The following KIAA0586 variants were observed in gnomAD, a reference collection of about 807,000 sequenced individuals.
KIAA0586 encodes KIAA0586.
Under a neutral mutation model 169.8 loss-of-function variants are expected in KIAA0586, and 144 were observed. The observed-to-expected ratio is 0.85, with a 90% CI of 0.74 to 0.97. KIAA0586 has a LOEUF of 0.97. KIAA0586 is among the 50% of genes least tolerant of loss of function. The pLI is 0.00. For synonymous variants in KIAA0586, 625 were observed against 612.4 expected (o/e 1.02, Z -0.30); for missense variants, 1,854 against 1,823.0 (o/e 1.02, Z -0.31).
intron 16 of KIAA0586, 72 bp from the exon 17 acceptor site, chr14:58,470,541 A>G (rs1281900758): frequency 4.7e-6 from 4 of 855,086 alleles, no homozygotes; most frequent in Admixed American, 4.1e-5. Flanking sequence ...ATATACATGT[A>G]TATACACATA....
rs1264288918 is a variant in KIAA0586, at chr14:58,457,743, C to G, written c.1363-16C>G. 5 of 1,537,110 alleles carry G rather than the reference C, an allele frequency of 3.3e-6. No individual in the cohort carries two copies. The African/African-American group carries it at 5.5e-5, about 17-fold the overall frequency. ...GTTGTGAGTTTAGTAACTTTCTGGT[C>G]TTTTTTTCTTTTAAGCCAAAAGAAT... is the stretch of plus-strand genomic sequence containing the variant. On this transcript the variant is annotated splice_polypyrimidine_tract_variant and intron_variant, in intron 10 of 30. Transcript: ENST00000652326.
At chr14:58,476,825 A>C (rs2041669696) in intron 19 of KIAA0586, among the ~76,000 whole-genome samples, 1 of 151,660 alleles carries the variant, frequency 6.6e-6, no homozygotes, top group South Asian at 2.1e-4. Flanking sequence ...GTACCACCTA[A>C]TTTTTGTATT....
At chr14:58,532,708 A>G (rs1026873359) in intron 29 of KIAA0586, among the ~76,000 whole-genome samples, 2 of 152,228 alleles carry the variant, frequency 1.3e-5, no homozygotes, top group Admixed American at 6.5e-5. Context: ...TGACCTAAAA[A>G]TGGTGATTCC....
At chr14:58,512,698 C>A in intron 29 of KIAA0586, 71 bp downstream of exon 29, 1 of 897,838 alleles carries the variant, frequency 1.1e-6, no homozygotes, top group Admixed American at 3.6e-5. Flanking sequence ...TATGAGAATT[C>A]TTTACTTTTT....
intron 23 of KIAA0586, 67 bp downstream of exon 23, chr14:58,488,176 A>G: frequency 9.2e-6 from 11 of 1,196,800 alleles, no homozygotes; most frequent in Non-Finnish European, 1.3e-5. Flanking sequence ...TGATCCATTG[A>G]AAACATAGAA....
At chr14:58,521,554 C>T in intron 29 of KIAA0586, 1 of 856,592 alleles carries the variant, frequency 1.2e-6, no homozygotes, top group Non-Finnish European at 2.0e-6. Context: ...CTCGAAATGT[C>T]AGCATGTATC....
Position 58,467,759 on chromosome 14 carries a change from C to A in KIAA0586, c.2279C>A (p.Thr760Asn), listed in dbSNP as rs745459956. 5.6e-6 allele frequency: 9 copies of A among 1,611,466 alleles called. No individual in the cohort carries two copies. The South Asian group carries it at 9.9e-5, about 18-fold the overall frequency. The change falls in exon 16 of 31, where the codon ACC becomes AAC. Residue 760 changes from threonine (T) to asparagine (N), a missense_variant. Transcript: ENST00000652326. ...LLGQTQSNSD[T>N]MPPAGVIVSK... Reference sequence around the variant, plus strand: ...GGACAAACCCAAAGTAATAGTGATACCATGCCACCTGCTGGAGTGATTGTC... The same window carrying A: ...GGACAAACCCAAAGTAATAGTGATAACATGCCACCTGCTGGAGTGATTGTC...
intron 30 of KIAA0586, among the ~76,000 whole-genome samples, chr14:58,540,545 T>C (rs1324860290): frequency 6.6e-6 from 1 of 152,216 alleles, no homozygotes; most frequent in Non-Finnish European, 1.5e-5. Flanking sequence ...ACATTAACGA[T>C]TGCTTTTTAG....
intron 4 of KIAA0586, among the ~76,000 whole-genome samples, chr14:58,437,292 C>A (rs936933063): frequency 9.9e-5 from 15 of 152,114 alleles, no homozygotes; most frequent in Non-Finnish European, 4.4e-5. Flanking sequence ...TTCACAAATA[C>A]ATGGTGAGTA....
At chr14:58,530,551 A>G (rs1354870223) in intron 29 of KIAA0586, among the ~76,000 whole-genome samples, 1 of 152,242 alleles carries the variant, frequency 6.6e-6, no homozygotes, top group Admixed American at 6.5e-5. Flanking sequence ...ATCTACAGCC[A>G]TCTGATCTTT....
rs1427340667 is a variant in KIAA0586 at position 58,547,975 on chromosome 14, A to G, written c.*43A>G. 6.2e-7 allele frequency: 1 copy of G among 1,601,534 alleles called. No individual in the cohort carries two copies. The highest frequency in any genetic ancestry group is 1.3e-5 in the African/African-American group (1 of 74,582). On this transcript the variant is annotated 3_prime_UTR_variant, in exon 31 of 31. Coordinates refer to ENST00000652326, the MANE Select transcript of KIAA0586 (RefSeq NM_001329943.3). Reference sequence around the variant, plus strand: ...GCACAGTGTTTATGCCACTGGTTTTAAAGTCATTTTACCTTGGCTTAAAAC... The same window carrying G: ...GCACAGTGTTTATGCCACTGGTTTTGAAGTCATTTTACCTTGGCTTAAAAC...
intron 20 of KIAA0586, among the ~76,000 whole-genome samples, chr14:58,479,719 T>G (rs1245542949): frequency 2.6e-5 from 4 of 152,202 alleles, no homozygotes; most frequent in African/African-American, 7.2e-5. Flanking sequence ...AGGATCAAGT[T>G]CTTTTTTGTT....
chr14:58,437,648 A>C (rs1412384065), intron 4 of KIAA0586, among the ~76,000 whole-genome samples: 1 of 140,532 alleles, frequency 7.1e-6, no homozygotes, highest in East Asian at 2.3e-4. Context: ...TTGAGGCTGC[A>C]GTGAGCCATG....
At chr14:58,488,400 A>T (rs968492662) in intron 23 of KIAA0586, among the ~76,000 whole-genome samples, 1 of 152,170 alleles carries the variant, frequency 6.6e-6, no homozygotes. Flanking sequence ...TGATCAGTTA[A>T]CTTTTATATT....
At chr14:58,458,039 A>G in intron 11 of KIAA0586, 60 bp downstream of exon 11, 1 of 1,132,786 alleles carries the variant, frequency 8.8e-7, no homozygotes, top group Non-Finnish European at 1.3e-6. Flanking sequence ...TTTCTTCATA[A>G]TTTTTTTCTA....
chr14:58,526,453 C>A (rs896239847), intron 29 of KIAA0586, among the ~76,000 whole-genome samples: 1 of 152,134 alleles, frequency 6.6e-6, no homozygotes, highest in Non-Finnish European at 1.5e-5. Context: ...CTCCAGCAGA[C>A]CTGCAGCAGA....
intron 9 of KIAA0586, among the ~76,000 whole-genome samples, chr14:58,453,751 A>C (rs1207803985): frequency 1.3e-5 from 2 of 152,110 alleles, no homozygotes; most frequent in Non-Finnish European, 2.9e-5. Flanking sequence ...ATAATCCAAG[A>C]TAGGTTAGGG....
chr14:58,468,329 G>A lies in KIAA0586; in HGVS notation c.2442+407G>A, dbSNP rs749098759. On this transcript the variant is annotated intron_variant, in intron 16 of 30. Coordinates refer to ENST00000652326, the MANE Select transcript of KIAA0586 (RefSeq NM_001329943.3). The stretch of plus-strand genomic sequence containing the variant: ...GCCTCCCAAAGTGCTGGGATTACAG[G>A]CATGAGCCACCATGCCCCGCTGGCT... 2.6e-5 allele frequency among the ~76,000 whole-genome samples: 4 copies of A among 152,232 alleles called. No homozygotes were observed. In the South Asian group the frequency reaches 6.2e-4, roughly 24 times the overall value.
intron 26 of KIAA0586, among the ~76,000 whole-genome samples, chr14:58,496,281 TTATGAG>T: frequency 6.6e-6 from 1 of 152,330 alleles, no homozygotes; most frequent in South Asian, 2.1e-4. Context: ...TCAGAGATAC[TTATGAG>T]TATGAGACCA....
Sources: gnomAD v4.1 joint callset for allele counts (sites outside exome capture counted in the v4.1 genomes callset) on GRCh38, gnomAD v4.1.1 for gene constraint, MANE v1.5 for transcripts, NCBI Gene and HGNC (gene_info 2026-07-23, HGNC 2026-07-21) for gene names.